Variants in MSH3 observed in about 807,000 individuals in gnomAD.
MSH3 encodes the protein DNA mismatch repair protein Msh3.
In MSH3, 106 loss-of-function variants were observed where a neutral mutation model predicts 123.3. The observed-to-expected ratio is 0.86, with a 90% confidence interval of 0.73 to 1.01. MSH3 has a LOEUF of 1.01. Among genes scored for constraint, MSH3 ranks in the 50% least tolerant of loss-of-function variants. The pLI is 0.00. For missense variants in MSH3, 1,459 were observed against 1,347.6 expected (o/e 1.08, Z -1.29); for synonymous variants, 515 against 481.4 (o/e 1.07, Z -0.91).
intron 12 of MSH3, among the ~76,000 whole-genome samples, chr5:80,753,424 TAG>T (rs995949771): frequency 2.6e-5 from 4 of 152,162 alleles, no homozygotes; most frequent in Admixed American, 2.0e-4. Context: ...GGTGAGTAGG[TAG>T]AGTCTTTTAT....
chr5:80,752,633 G>C (rs1475768167), intron 12 of MSH3, among the ~76,000 whole-genome samples: 1 of 152,130 alleles, frequency 6.6e-6, no homozygotes, highest in Non-Finnish European at 1.5e-5. Context: ...CCTCATTGTG[G>C]TGTTGTGAGG....
intron 2 of MSH3, among the ~76,000 whole-genome samples, chr5:80,657,524 G>T (rs987807930): frequency 6.6e-6 from 1 of 152,108 alleles, no homozygotes; most frequent in Non-Finnish European, 1.5e-5. Context: ...ATTTCTAGAG[G>T]TGGTGTTGCA....
chr5:80,664,832 C>T (rs944582068), intron 2 of MSH3, among the ~76,000 whole-genome samples: 1 of 151,774 alleles, frequency 6.6e-6, no homozygotes, highest in Non-Finnish European at 1.5e-5. Flanking sequence ...TTAGATATCT[C>T]ATTTGCAGTT....
intron 10 of MSH3, among the ~76,000 whole-genome samples, chr5:80,740,081 A>G (rs955679516): frequency 2.0e-5 from 3 of 152,144 alleles, no homozygotes; most frequent in African/African-American, 7.2e-5. Context: ...GGCTGTTGAC[A>G]GAAACATCTA....
chr5:80,873,032 T>C (rs1746248102), intron 22 of MSH3, 84 bp from the exon 23 acceptor site: 1 of 1,190,918 alleles, frequency 8.4e-7, no homozygotes, highest in African/African-American at 1.5e-5. Flanking sequence ...TTAATAAAGT[T>C]ATGAGAACTT....
At chr5:80,829,585 C>T (rs1745384149) in intron 20 of MSH3, among the ~76,000 whole-genome samples, 1 of 152,156 alleles carries the variant, frequency 6.6e-6, no homozygotes. Context: ...TAGGATGAGT[C>T]CTACTTAGTT....
At chr5:80,817,985 G>A (rs566927781) in intron 20 of MSH3, among the ~76,000 whole-genome samples, 56 of 152,272 alleles carry the variant, frequency 3.7e-4, no homozygotes, top group Non-Finnish European at 6.9e-4. Context: ...CAAGGTGGGT[G>A]GATCACCTGA....
intron 16 of MSH3, among the ~76,000 whole-genome samples, chr5:80,777,160 G>C (rs1236041467): frequency 9.2e-5 from 14 of 151,772 alleles, no homozygotes; most frequent in Non-Finnish European, 1.5e-5. Flanking sequence ...GAACTCAAGT[G>C]ATCCACCTGC....
chr5:80,788,174 G>A (rs1298212999), intron 18 of MSH3, among the ~76,000 whole-genome samples: 6 of 152,184 alleles, frequency 3.9e-5, no homozygotes, highest in East Asian at 1.9e-4. Context: ...CATGGCTCAC[G>A]CCTCTAATCC....
At chr5:80,799,830 C>T (rs564373873) in intron 19 of MSH3, among the ~76,000 whole-genome samples, 1 of 152,242 alleles carries the variant, frequency 6.6e-6, no homozygotes, top group African/African-American at 2.4e-5. Flanking sequence ...GTTTCCTCAC[C>T]TGTATAATGG....
chr5:80,818,366 G>C (rs1745141629), intron 20 of MSH3, among the ~76,000 whole-genome samples: 1 of 49,668 alleles, frequency 2.0e-5, no homozygotes, highest in Admixed American at 2.0e-4. Flanking sequence ...ACAAATGACT[G>C]GTGTTTTTTT....
chr5:80,769,256 G>GA, intron 15 of MSH3, among the ~76,000 whole-genome samples: 1 of 152,030 alleles, frequency 6.6e-6, no homozygotes, highest in East Asian at 1.9e-4. Context: ...TTATATTATA[G>GA]AAAATCTCAA....
chr5:80,820,220 A>G (rs1443963294), intron 20 of MSH3, among the ~76,000 whole-genome samples: 2 of 152,244 alleles, frequency 1.3e-5, no homozygotes, highest in Non-Finnish European at 2.9e-5. Context: ...AATCTGGTTC[A>G]AAGGTTTCCA....
At chr5:80,753,184 A>G (rs1395771029) in intron 12 of MSH3, among the ~76,000 whole-genome samples, 3 of 152,178 alleles carry the variant, frequency 2.0e-5, no homozygotes, top group Non-Finnish European at 4.4e-5. Flanking sequence ...TAGAAAGCCC[A>G]TGTTGAACTT....
intron 7 of MSH3, among the ~76,000 whole-genome samples, chr5:80,676,417 CTT>C (rs1331716519): frequency 1.3e-5 from 2 of 152,304 alleles, no homozygotes; most frequent in Non-Finnish European, 2.9e-5. Context: ...AGGTCTTAGA[CTT>C]TTTAAGGCCC....
chr5:80,765,697 C>A (rs964848457), intron 13 of MSH3, among the ~76,000 whole-genome samples: 3 of 152,134 alleles, frequency 2.0e-5, no homozygotes, highest in African/African-American at 7.2e-5. Context: ...GACTGGTTGT[C>A]CCCATATCTG....
chr5:80,692,525 T>TAG, intron 8 of MSH3, among the ~76,000 whole-genome samples: 1 of 101,610 alleles, frequency 9.8e-6, no homozygotes, highest in Non-Finnish European at 2.1e-5. Flanking sequence ...TATGTTTAGA[T>TAG]AGATAAACAT....
intron 8 of MSH3, among the ~76,000 whole-genome samples, chr5:80,712,339 G>C (rs1750878159): frequency 6.6e-6 from 1 of 152,130 alleles, no homozygotes; most frequent in African/African-American, 2.4e-5. Context: ...ATTTTAAAAA[G>C]ATTATGAGGT....
chr5:80,844,397 C>T (rs948262046), intron 20 of MSH3, among the ~76,000 whole-genome samples: 4 of 151,988 alleles, frequency 2.6e-5, no homozygotes, highest in Admixed American at 6.6e-5. Flanking sequence ...TGTGGAGTTC[C>T]GTAGATGTCT....
Sources: gnomAD v4.1 joint callset for allele counts (sites outside exome capture counted in the v4.1 genomes callset) on GRCh38, gnomAD v4.1.1 for gene constraint, MANE v1.5 for transcripts, NCBI Gene and HGNC (gene_info 2026-07-23, HGNC 2026-07-21) for gene names.